DHX9: variants seen among roughly 807,000 people sequenced by gnomAD.
The protein encoded by DHX9 is ATP-dependent RNA helicase A.
Under a neutral mutation model 148.7 loss-of-function variants are expected in DHX9, and 27 were observed. The observed-to-expected ratio is 0.18, with a 90% CI of 0.13 to 0.25. The LOEUF (loss-of-function observed/expected upper bound fraction) is 0.25. DHX9 is among the 10% of genes least tolerant of loss of function. DHX9 has a pLI of 1.00. For synonymous variants in DHX9, 529 were observed against 516.6 expected, an observed-to-expected ratio of 1.02 and a Z score of -0.33; for missense variants, 796 against 1,559.6, an observed-to-expected ratio of 0.51 and a Z score of 8.25.
intron 12 of DHX9, among the ~76,000 whole-genome samples, chr1:182,863,591 T>G (rs909047640): frequency 6.6e-6 from 1 of 152,174 alleles, no homozygotes; most frequent in Non-Finnish European, 1.5e-5. Flanking sequence ...ATATATAAAA[T>G]AATTATTGAA....
chr1:182,846,778 C>A (rs1668038785), intron 3 of DHX9, among the ~76,000 whole-genome samples: 2 of 152,242 alleles, frequency 1.3e-5, no homozygotes, highest in South Asian at 4.2e-4. Flanking sequence ...TTATGTATTT[C>A]ACCAACTTTG....
chr1:182,866,719 G>GT, intron 13 of DHX9, 134 bp downstream of exon 13: 2 of 1,170,698 alleles, frequency 1.7e-6, no homozygotes, highest in Non-Finnish European at 2.4e-6. Flanking sequence ...ACTTTTGGCA[G>GT]TTTTTTCCTT....
At chr1:182,886,173 AT>A (rs113520374) in intron 27 of DHX9, among the ~76,000 whole-genome samples, 29 of 148,786 alleles carry the variant, frequency 1.9e-4, no homozygotes, top group African/African-American at 2.3e-4. Context: ...TTTTATTTTT[AT>A]TTTTTTTTAA....
chr1:182,879,202 C>G, intron 20 of DHX9, 48 bp from the exon 21 acceptor site: 2 of 1,375,704 alleles, frequency 1.5e-6, no homozygotes, highest in Non-Finnish European at 1.9e-6. Context: ...TTATTAACAT[C>G]TGTGTATACA....
intron 2 of DHX9, 25 bp downstream of exon 2, chr1:182,842,702 T>A (rs937624656): frequency 1.3e-6 from 2 of 1,559,826 alleles, no homozygotes; most frequent in African/African-American, 1.4e-5. Context: ...AGTTTGCATT[T>A]ATGTGATTTA....
intron 27 of DHX9, 76 bp from the exon 28 acceptor site, chr1:182,887,005 CTA>C (rs58683831): frequency 0.065 from 87,485 of 1,337,054 alleles, 4,157 homozygotes; most frequent in African/African-American, 0.19. Context: ...TCAAATATAA[CTA>C]AATGTGTACA....
chr1:182,863,260 A>G (rs1473734221), intron 12 of DHX9, among the ~76,000 whole-genome samples: 1 of 152,246 alleles, frequency 6.6e-6, no homozygotes, highest in Non-Finnish European at 1.5e-5. Context: ...TATTGGGAGT[A>G]AAGGAAATTT....
intron 12 of DHX9, among the ~76,000 whole-genome samples, chr1:182,864,662 T>C (rs1208409813): frequency 1.3e-5 from 2 of 152,216 alleles, no homozygotes; most frequent in Non-Finnish European, 2.9e-5. Context: ...ATATAAAATA[T>C]GGGAAAGAGA....
In DHX9 at chr1:182,887,373, G is replaced by C; in HGVS notation, c.3752G>C (p.Gly1251Ala). 6.2e-7 allele frequency: 1 copy of C among 1,614,166 alleles called. No individual in the cohort carries two copies. The highest frequency in any genetic ancestry group is 1.6e-4 in the Middle Eastern group (1 of 6,062). The change falls in exon 28 of 28, where the codon GGT becomes GCT. Residue 1251 changes from glycine to alanine, a missense_variant. Gly to Ala is a moderately conservative substitution (Grantham distance 60, BLOSUM62 0). Around this residue, in one of 14 missense-constraint regions of DHX9, gnomAD observed 98 missense variants for 105.5 expected, o/e 0.93. Transcript: ENST00000367549. ...YRGSGGFQRG[G>A]GRGAYGTGYF... ...GGATCTGGGGGATTCCAGCGAGGAG[G>C]TGGTAGGGGGGCCTATGGAACTGGC... is the stretch of plus-strand genomic sequence containing the variant.
At chr1:182,883,696 C>A in intron 26 of DHX9, 61 bp downstream of exon 26, 1 of 1,210,770 alleles carries the variant, frequency 8.3e-7, no homozygotes, top group South Asian at 1.3e-5. Context: ...TGATGGAATT[C>A]AGCTGCTAAT....
intron 21 of DHX9, among the ~76,000 whole-genome samples, chr1:182,879,746 G>A (rs960793263): frequency 5.3e-5 from 8 of 151,952 alleles, no homozygotes. Context: ...GTTTTTTTGA[G>A]ACGGAATCTC....
chr1:182,845,973 A>G (rs1357720087), intron 3 of DHX9, among the ~76,000 whole-genome samples: 1 of 152,116 alleles, frequency 6.6e-6, no homozygotes, highest in Non-Finnish European at 1.5e-5. Flanking sequence ...TGGAAACTTC[A>G]TTATTCAGTA....
chr1:182,852,141 A>G (rs888618865), intron 3 of DHX9, 92 bp from the exon 4 acceptor site: 37 of 693,752 alleles, frequency 5.3e-5, no homozygotes, highest in African/African-American at 4.9e-4. Context: ...GAAAGGAGGT[A>G]TGACACATGG....
intron 7 of DHX9, among the ~76,000 whole-genome samples, chr1:182,857,039 C>T (rs1461964157): frequency 1.3e-5 from 2 of 152,076 alleles, no homozygotes; most frequent in South Asian, 2.1e-4. Context: ...TTAGTGGAGA[C>T]GGGGTTTCAC....
intron 19 of DHX9, 78 bp downstream of exon 19, chr1:182,876,981 C>A: frequency 2.0e-6 from 2 of 1,009,746 alleles, no homozygotes; most frequent in Non-Finnish European, 3.0e-6. Context: ...GAATCAAAAA[C>A]ACCTTATTTT....
At position 182,876,238 on chromosome 1, in the gene DHX9, G is replaced by T; in HGVS notation, c.2004G>T (p.Lys668Asn). ...PGWNLIYTMQ[K>N]HLEMNPHFGS... ...GGAATCTGATTTATACTATGCAGAA[G>T]CATTTGGAAATGAATCCACATTTTG... The change falls in exon 17 of 28, where the codon AAG (lysine) becomes AAT (asparagine). Residue 668 changes from lysine (K) to asparagine (N), a missense_variant. Physicochemically the swap from Lys to Asn is moderately conservative, Grantham distance 94. Around this residue, in one of 14 missense-constraint regions of DHX9, gnomAD observed 133 missense variants for 223.8 expected, o/e 0.59. Transcript: ENST00000367549. The T allele has an allele frequency of 6.2e-7, 1 of 1,613,754 alleles. No individual in the cohort carries two copies. The highest frequency in any genetic ancestry group is 8.5e-7 in the Non-Finnish European group (1 of 1,179,822).
intron 26 of DHX9, among the ~76,000 whole-genome samples, 173 bp downstream of exon 26, chr1:182,883,808 T>C (rs1649197269): frequency 1.3e-5 from 2 of 151,806 alleles, no homozygotes; most frequent in African/African-American, 2.4e-5. Context: ...ATTTGAGCCA[T>C]GTCTACCACT....
chr1:182,866,687 T>G (rs1377021015), intron 13 of DHX9, 102 bp downstream of exon 13: 48 of 1,372,924 alleles, frequency 3.5e-5, no homozygotes, highest in Non-Finnish European at 4.5e-5. Flanking sequence ...TGAGCCAGTC[T>G]CAGATTTCTT....
At chr1:182,876,406 C>T (rs1217368301) in intron 17 of DHX9, 41 bp from the exon 18 acceptor site, 4 of 1,584,934 alleles carry the variant, frequency 2.5e-6, no homozygotes, top group African/African-American at 1.3e-5. Flanking sequence ...TTGAAACCAG[C>T]TCCTGTTTTT....
Sources: gnomAD v4.1 joint callset for allele counts (sites outside exome capture counted in the v4.1 genomes callset) on GRCh38, gnomAD v4.1.1 for gene constraint, gnomAD v4.1.1 regional missense constraint, MANE v1.5 for transcripts, NCBI Gene and HGNC (gene_info 2026-07-23, HGNC 2026-07-21) for gene names.